The following ZDHHC11B variants were observed in gnomAD, a reference collection of about 807,000 sequenced individuals.
The protein encoded by ZDHHC11B is probable palmitoyltransferase ZDHHC11B.
A neutral mutation model predicts 42.3 loss-of-function variants in ZDHHC11B; 17 were observed. The ratio of observed to expected loss-of-function variants is 0.40; its 90% CI spans 0.27 to 0.60. The LOEUF is 0.60. ZDHHC11B is among the 20% of genes least tolerant of loss of function. The pLI is 0.41. For synonymous variants in ZDHHC11B, 123 were observed against 193.5 expected (o/e 0.64, Z 3.02); for missense variants, 262 against 463.2 (o/e 0.57, Z 3.99).
intron 9 of ZDHHC11B, among the ~76,000 whole-genome samples, 167 bp downstream of exon 9, chr5:745,016 C>G (rs1744598330): frequency 6.8e-6 from 1 of 146,654 alleles, no homozygotes; most frequent in African/African-American, 2.5e-5. Context: ...CACAAAGACA[C>G]ATAGACACAC....
At chr5:737,586 C>T (rs1219402219) in intron 10 of ZDHHC11B, among the ~76,000 whole-genome samples, 1 of 149,420 alleles carries the variant, frequency 6.7e-6, no homozygotes, top group East Asian at 2.0e-4. Context: ...AACAGCATAG[C>T]AAAAAGATAA....
At chr5:766,097 G>A (rs1323998848) in intron 4 of ZDHHC11B, among the ~76,000 whole-genome samples, 1 of 151,838 alleles carries the variant, frequency 6.6e-6, no homozygotes, top group Non-Finnish European at 1.5e-5. Flanking sequence ...TGGTCAGCTG[G>A]AGGTAGTGCA....
chr5:724,425 G>C (rs1270663171), intron 12 of ZDHHC11B, among the ~76,000 whole-genome samples: 6 of 137,594 alleles, frequency 4.4e-5, no homozygotes, highest in Non-Finnish European at 7.7e-5. Flanking sequence ...GCCCAGGCTG[G>C]AGTGCAGTGG....
At chr5:751,817 A>T (rs1745810526) in intron 6 of ZDHHC11B, among the ~76,000 whole-genome samples, 1 of 122,348 alleles carries the variant, frequency 8.2e-6, no homozygotes, top group African/African-American at 2.6e-5. Flanking sequence ...ACACCGCCTG[A>T]CAATTCAGGC....
At chr5:744,961 A>G (rs1198221542) in intron 9 of ZDHHC11B, among the ~76,000 whole-genome samples, 7 of 146,980 alleles carry the variant, frequency 4.8e-5, no homozygotes, top group East Asian at 4.2e-4. Context: ...TTCCTTTCCT[A>G]TCTTTGCACT....
chr5:769,757 C>T (rs1735828597), intron 1 of ZDHHC11B, among the ~76,000 whole-genome samples: 1 of 152,000 alleles, frequency 6.6e-6, no homozygotes, highest in Non-Finnish European at 1.5e-5. Flanking sequence ...AATCATCTAA[C>T]AGCTCTTCTT....
At chr5:751,640 C>T (rs1214837547) in intron 6 of ZDHHC11B, among the ~76,000 whole-genome samples, 18 of 127,544 alleles carry the variant, frequency 1.4e-4, no homozygotes, top group South Asian at 7.0e-4. Context: ...TCAGCGTGGG[C>T]GTCCACTTGA....
chr5:773,068 T>C (rs1359575192), intron 1 of ZDHHC11B, among the ~76,000 whole-genome samples: 2 of 152,048 alleles, frequency 1.3e-5, no homozygotes, highest in African/African-American at 4.8e-5. Flanking sequence ...AGATGGGAGA[T>C]GCACTGTCTG....
intron 7 of ZDHHC11B, among the ~76,000 whole-genome samples, chr5:748,945 G>T: frequency 1.0e-5 from 1 of 98,894 alleles, no homozygotes; most frequent in Non-Finnish European, 2.1e-5. Flanking sequence ...CTAAGTGCCG[G>T]GGTCACAGTG....
chr5:777,815 G>A (rs556317704), intron 1 of ZDHHC11B, among the ~76,000 whole-genome samples: 227 of 152,082 alleles, frequency 1.5e-3, no homozygotes, highest in African/African-American at 5.2e-3. Flanking sequence ...CCAGTACTGC[G>A]CCACGCGCCC....
At chr5:718,932 A>G (rs1358082222) in intron 12 of ZDHHC11B, among the ~76,000 whole-genome samples, 3 of 151,748 alleles carry the variant, frequency 2.0e-5, no homozygotes, top group African/African-American at 7.3e-5. Context: ...GGATCAATAC[A>G]GAGGCTTGCC....
At chr5:783,922 G>A (rs577481291) in intron 1 of ZDHHC11B, among the ~76,000 whole-genome samples, 44 of 149,122 alleles carry the variant, frequency 3.0e-4, no homozygotes, top group African/African-American at 1.1e-3. Flanking sequence ...GCCACTGCCC[G>A]GGAGGGACAG....
Position 777,860 on chromosome 5 carries a change from G to C in ZDHHC11B, c.-230+6808C>G, listed in dbSNP as rs1423520337. Among the ~76,000 whole-genome samples the C allele has an allele frequency of 2.0e-5, 3 of 151,826 alleles. 1 individual carries two copies. Among genetic ancestry groups the C allele is most frequent in the Admixed American group, 2.0e-4 (3 of 15,242 alleles). ...AGCCCTTGGGCGGTCCATGGGACCC[G>C]GCGGGGGCGGCGCCCTTCCGGGAGG... On this transcript the variant is annotated intron_variant, in intron 1 of 13. Coordinates refer to ENST00000508859, the MANE Select transcript of ZDHHC11B (RefSeq NM_001351303.2).
At chr5:733,718 T>C (rs547178063) in intron 11 of ZDHHC11B, 34 bp downstream of exon 11, 1 of 1,581,418 alleles carries the variant, frequency 6.3e-7, no homozygotes, top group Non-Finnish European at 8.7e-7. Context: ...CACGGCCCTG[T>C]CCTCAGGGTG....
chr5:749,557 T>C (rs1160047151), intron 7 of ZDHHC11B, among the ~76,000 whole-genome samples: 3 of 129,426 alleles, frequency 2.3e-5, no homozygotes, highest in South Asian at 6.7e-4. Context: ...TCACGATGAG[T>C]TCAGCCCATG....
intron 7 of ZDHHC11B, among the ~76,000 whole-genome samples, chr5:748,891 A>ACC (rs1246252641): frequency 1.6e-5 from 2 of 123,588 alleles, no homozygotes; most frequent in African/African-American, 5.5e-5. Flanking sequence ...CACAGTGCCC[A>ACC]CCCCTTCCTA....
chr5:767,540 G>A lies in ZDHHC11B; in HGVS notation c.-133-16C>T. 1 of 483,132 alleles carries A rather than the reference G, an allele frequency of 2.1e-6. No homozygotes were observed. The highest frequency in any genetic ancestry group is 5.1e-5 in the African/African-American group (1 of 19,610). The allele number at this position is 483,132 out of a possible 1,614,324, so 29.9% of individuals were successfully genotyped here. On this transcript the variant is annotated splice_polypyrimidine_tract_variant and intron_variant, in intron 2 of 13. Transcript: ENST00000508859. ...AGAAAGGTGACTGGGAGGAAGAGGA[G>A]AAAGAGAGCATCACTGGACTCACTG...
At chr5:741,788 C>A (rs1327223158) in intron 9 of ZDHHC11B, among the ~76,000 whole-genome samples, 160 bp from the exon 10 acceptor site, 2 of 146,618 alleles carry the variant, frequency 1.4e-5, no homozygotes, top group African/African-American at 5.0e-5. Flanking sequence ...TACGTGTGCA[C>A]GTGTTTTCAT....
intron 6 of ZDHHC11B, among the ~76,000 whole-genome samples, chr5:753,817 A>C (rs1252187449): frequency 1.4e-5 from 2 of 145,272 alleles, no homozygotes; most frequent in Non-Finnish European, 3.0e-5. Context: ...CAGGGCAGGG[A>C]CCCCCCGGTG....
Sources: allele counts gnomAD v4.1 joint callset (sites outside exome capture counted in the v4.1 genomes callset), GRCh38; gene constraint gnomAD v4.1.1; transcripts MANE v1.5; gene names NCBI Gene and HGNC (gene_info 2026-07-23, HGNC 2026-07-21).